MMP26: variants seen among roughly 807,000 people sequenced by gnomAD.
The protein encoded by MMP26 is matrix metallopeptidase 26, also known as matrix metalloproteinase-26.
Under a neutral mutation model 31.0 loss-of-function variants are expected in MMP26, and 33 were observed. The observed-to-expected ratio is 1.06, with a 90% confidence interval of 0.81 to 1.42. The LOEUF (loss-of-function observed/expected upper bound fraction) is 1.42, where lower values mean the gene tolerates loss of function less well. Ranked by LOEUF, MMP26 falls within the 40% of genes most tolerant of loss-of-function variation. The pLI, the probability that MMP26 is intolerant of heterozygous loss-of-function variation, is 0.00. For missense variants in MMP26, 347 were observed against 316.1 expected, an observed-to-expected ratio of 1.10 and a Z score of -0.74; for synonymous variants, 122 against 114.9, an observed-to-expected ratio of 1.06 and a Z score of -0.40.
chr11:4,770,915 T>C (rs1848707736), intron 2 of MMP26, among the ~76,000 whole-genome samples: 1 of 151,470 alleles, frequency 6.6e-6, no homozygotes, highest in African/African-American at 2.4e-5. Context: ...TTGCTTGCGC[T>C]GTGAAGCCTA....
intron 2 of MMP26, among the ~76,000 whole-genome samples, chr11:4,804,800 A>AAAAAAAAAAAAC (rs1181631263): frequency 1.4e-5 from 2 of 140,138 alleles, no homozygotes; most frequent in Non-Finnish European, 3.1e-5. Flanking sequence ...CAAAAACAAA[A>AAAAAAAAAAAAC]CAAAACAAAA....
chr11:4,850,398 T>C (rs1011965826), intron 2 of MMP26, among the ~76,000 whole-genome samples: 2 of 152,302 alleles, frequency 1.3e-5, no homozygotes, highest in African/African-American at 4.8e-5. Context: ...CCTAAGTCAG[T>C]TGTTGGTGCC....
intron 2 of MMP26, chr11:4,787,345 A>T (rs1848961804): frequency 6.6e-6 from 1 of 152,270 alleles, no homozygotes; most frequent in Non-Finnish European, 1.5e-5. Context: ...AAGGATGAAC[A>T]GCTATGGAGG....
At chr11:4,826,401 G>T (rs1424084109) in intron 2 of MMP26, among the ~76,000 whole-genome samples, 1 of 152,048 alleles carries the variant, frequency 6.6e-6, no homozygotes, top group Non-Finnish European at 1.5e-5. Flanking sequence ...GATATTCAGG[G>T]CTAAGGAGAA....
chr11:4,974,945 G>A (rs1487619534), intron 2 of MMP26, among the ~76,000 whole-genome samples: 4 of 151,842 alleles, frequency 2.6e-5, no homozygotes, highest in Non-Finnish European at 5.9e-5. Flanking sequence ...CACACACTGG[G>A]GCCTGTCAGG....
intron 2 of MMP26, among the ~76,000 whole-genome samples, chr11:4,841,810 G>A (rs1245167176): frequency 6.6e-6 from 1 of 152,180 alleles, no homozygotes; most frequent in Non-Finnish European, 1.5e-5. Context: ...GTGCGTGCCT[G>A]TAATCCCAGC....
intron 2 of MMP26, among the ~76,000 whole-genome samples, chr11:4,771,842 T>A (rs79754797): frequency 0.013 from 2,052 of 152,324 alleles, 49 homozygotes; most frequent in African/African-American, 0.046. Context: ...TATCTACATG[T>A]TATGTGGATC....
At chr11:4,869,138 A>G (rs1248294351) in intron 2 of MMP26, among the ~76,000 whole-genome samples, 2 of 152,210 alleles carry the variant, frequency 1.3e-5, no homozygotes, top group African/African-American at 2.4e-5. Context: ...AGGCAATACC[A>G]TTCAGGATAT....
At chr11:4,856,540 C>T (rs537419808) in intron 2 of MMP26, among the ~76,000 whole-genome samples, 11 of 152,278 alleles carry the variant, frequency 7.2e-5, no homozygotes, top group East Asian at 3.9e-4. Flanking sequence ...AATATATATG[C>T]GCCCAATACA....
intron 2 of MMP26, among the ~76,000 whole-genome samples, chr11:4,807,333 A>G (rs1468763361): frequency 1.3e-5 from 2 of 152,188 alleles, no homozygotes; most frequent in Non-Finnish European, 2.9e-5. Context: ...CCTCTCCAGC[A>G]TCTATTCATG....
chr11:4,915,378 C>G (rs12419598), intron 2 of MMP26: 171,058 of 1,613,840 alleles, frequency 0.11, 10,300 homozygotes, highest in Non-Finnish European at 0.12. Context: ...TGGCTAATTT[C>G]TCGTGCTCCA....
At chr11:4,851,807 G>C (rs552239650) in intron 2 of MMP26, among the ~76,000 whole-genome samples, 22 of 151,388 alleles carry the variant, frequency 1.5e-4, no homozygotes, top group African/African-American at 4.8e-4. Flanking sequence ...CTAATAAAAT[G>C]GTAAAAAAAT....
intron 2 of MMP26, among the ~76,000 whole-genome samples, chr11:4,772,467 A>G (rs566313716): frequency 6.6e-6 from 1 of 152,268 alleles, no homozygotes; most frequent in African/African-American, 2.4e-5. Context: ...AGGGAGAATG[A>G]TAGATGTCCA....
intron 2 of MMP26, among the ~76,000 whole-genome samples, chr11:4,936,387 G>T (rs1316850550): frequency 2.0e-5 from 3 of 152,046 alleles, no homozygotes. Context: ...AGTATTCTCT[G>T]ATGGTAGTTT....
At chr11:4,761,889 CA>C (rs988852814) in intron 1 of MMP26, among the ~76,000 whole-genome samples, 16 of 151,720 alleles carry the variant, frequency 1.1e-4, no homozygotes, top group African/African-American at 3.9e-4. Context: ...AAGCAAGCTG[CA>C]ATATAGAATG....
chr11:4,902,574 T>C (rs1010792527), intron 2 of MMP26, among the ~76,000 whole-genome samples: 1 of 152,200 alleles, frequency 6.6e-6, no homozygotes, highest in Non-Finnish European at 1.5e-5. Context: ...ACTTTTTAGT[T>C]GTGTTGTTTG....
intron 2 of MMP26, chr11:4,909,460 A>G (rs946895731): frequency 2.6e-5 from 4 of 152,162 alleles, no homozygotes; most frequent in Non-Finnish European, 5.9e-5. Flanking sequence ...AGGTGACTGA[A>G]TATTCAAAAA....
chr11:4,887,176 A>G (rs1850556665), intron 2 of MMP26, among the ~76,000 whole-genome samples: 1 of 151,954 alleles, frequency 6.6e-6, no homozygotes, highest in Non-Finnish European at 1.5e-5. Context: ...AAACTGCACA[A>G]TTTTACAGCT....
intron 1 of MMP26, among the ~76,000 whole-genome samples, chr11:4,730,859 A>T (rs1375467436): frequency 6.6e-6 from 1 of 152,220 alleles, no homozygotes; most frequent in Non-Finnish European, 1.5e-5. Flanking sequence ...GTATGCTGGG[A>T]CATCTCTTCC....
Sources: allele counts gnomAD v4.1 joint callset (sites outside exome capture counted in the v4.1 genomes callset), GRCh38; gene constraint gnomAD v4.1.1; transcripts MANE v1.5; gene names NCBI Gene and HGNC (gene_info 2026-07-23, HGNC 2026-07-21).